TRAF7: variants seen among roughly 807,000 people sequenced by gnomAD.
TRAF7 encodes E3 ubiquitin-protein ligase TRAF7.
Under a neutral mutation model 89.3 loss-of-function variants are expected in TRAF7, and 45 were observed. The observed-to-expected ratio is 0.50, with a 90% CI of 0.40 to 0.65. The LOEUF (loss-of-function observed/expected upper bound fraction) is 0.65, where lower values mean the gene tolerates loss of function less well. Among genes scored for constraint, TRAF7 ranks in the 30% least tolerant of loss-of-function variants. The probability of loss-of-function intolerance (pLI) is 0.00; values close to 1 mark genes in which losing one functional copy is unlikely to be tolerated. For missense variants in TRAF7, 677 were observed against 918.1 expected (o/e 0.74, Z 3.39); for synonymous variants, 406 against 369.2 (o/e 1.10, Z -1.14).
At chr16:2,171,221 G>A (rs2093108376) in intron 5 of TRAF7, 43 bp from the exon 6 acceptor site, 3 of 1,496,870 alleles carry the variant, frequency 2.0e-6, no homozygotes, top group East Asian at 2.5e-5. Context: ...GCGGGGCTGA[G>A]GGTGGCCTCC....
chr16:2,165,943 C>T lies in TRAF7; in HGVS notation c.139+7C>T, dbSNP rs2093085058. ...GTCACCACCATCACAAAAGGTGAGC[C>T]CTTAAGCCAAGGCCAGCCCAGGCTG... On this transcript the variant is annotated splice_region_variant and intron_variant, in intron 3 of 20. Transcript: ENST00000326181. 1 of 1,613,970 alleles carries T rather than the reference C, an allele frequency of 6.2e-7. No homozygotes were observed.
intron 2 of TRAF7, among the ~76,000 whole-genome samples, chr16:2,165,278 T>C (rs1596671741): frequency 7.3e-6 from 1 of 136,082 alleles, no homozygotes; most frequent in Non-Finnish European, 1.6e-5. Flanking sequence ...AGCGTGTTAG[T>C]GCTGCGTGGC....
intron 7 of TRAF7, 124 bp from the exon 8 acceptor site, chr16:2,172,067 C>T (rs1440547241): frequency 2.5e-6 from 3 of 1,176,916 alleles, no homozygotes; most frequent in East Asian, 2.5e-5. Flanking sequence ...TGCCCCCGTT[C>T]CCATGTTGCG....
chr16:2,168,362 G>C lies in TRAF7; in HGVS notation c.231+194G>C. 1 of 554,882 alleles carries C rather than the reference G, an allele frequency of 1.8e-6. No individual in the cohort carries two copies. The highest frequency in any genetic ancestry group is 3.2e-6 in the Non-Finnish European group (1 of 313,020). The allele number at this position is 554,882 out of a possible 1,614,324, so 34.4% of individuals were successfully genotyped here. ...GGAGGCTCCTGTGGCTGGACTGTGG[G>C]TGGCAGGGGGCAGCCAGTGAGGGCA... On this transcript the variant is annotated intron_variant, in intron 4 of 20. Transcript: ENST00000326181. The surrounding 1 kb of genome is among the most constrained non-coding windows in gnomAD (Gnocchi z 4.1).
At chr16:2,171,125 C>T (rs2093107785) in intron 5 of TRAF7, 139 bp from the exon 6 acceptor site, 1 of 696,628 alleles carries the variant, frequency 1.4e-6, no homozygotes, top group African/African-American at 1.8e-5. Flanking sequence ...AGCCCCCCAG[C>T]TCTAAGCAGG....
rs560866404 is a variant in TRAF7 at position 2,169,623 on chromosome 16, C to G, written c.232-991C>G. 4.0e-4 allele frequency among the ~76,000 whole-genome samples: 61 copies of G among 152,294 alleles called. No individual in the cohort carries two copies. The East Asian group carries it at 0.012, about 29-fold the overall frequency. ...GACTCTGGGGTAGTATTGGGCAGGC[C>G]CGGGAGAGTGGTTCCCGTGCCAGCT... On this transcript the variant is annotated intron_variant, in intron 4 of 20. Coordinates refer to ENST00000326181, the MANE Select transcript of TRAF7 (RefSeq NM_032271.3).
intron 3 of TRAF7, among the ~76,000 whole-genome samples, chr16:2,166,347 C>G (rs1484162407): frequency 2.0e-5 from 3 of 152,192 alleles, no homozygotes; most frequent in African/African-American, 7.2e-5. Flanking sequence ...CCTAGGGCTT[C>G]AGTAACAGTG....
rs761833319 is a variant in TRAF7 at position 2,170,616 on chromosome 16, C to G, written c.234C>G (p.Pro78=). The part of the protein sequence containing the change: ...YSPRDEEDSM[P]PISTPRRSDS... ...CAGGCGCCTCTCCCTCCACACAGCC[C>G]CCCATCAGCACTCCCCGCCGCTCCG... Residue 78 remains proline (P), a splice_region_variant and synonymous_variant, in exon 5 of 21, where the codon CCC becomes CCG. Transcript: ENST00000326181. 37 of 1,608,850 alleles carry G rather than the reference C, an allele frequency of 2.3e-5. No individual in the cohort carries two copies. Among genetic ancestry groups the G allele is most frequent in the Non-Finnish European group, 2.9e-5 (34 of 1,178,250 alleles).
Position 2,163,813 on chromosome 16 carries a change from C to T in TRAF7, c.-38-70C>T, listed in dbSNP as rs1010893677. On this transcript the variant is annotated intron_variant, in intron 1 of 20. Transcript: ENST00000326181. This position sits in a 1 kb window ranked among gnomAD's most constrained non-coding sequence, Gnocchi z 4.3. ...GCCCCACAGCAGGTCTGCACACTTG[C>T]AGCAGCCCGTCTGACTCACAGGGGC... 1 of 1,036,262 alleles carries T rather than the reference C, an allele frequency of 9.7e-7. No homozygotes were observed. The highest frequency in any genetic ancestry group is 1.5e-6 in the Non-Finnish European group (1 of 682,468). The allele number at this position is 1,036,262 out of a possible 1,614,324, so 64.2% of individuals were successfully genotyped here. A position where few individuals can be genotyped will look rare whatever the true frequency, so the allele number is the denominator to read the frequency against.
At position 2,161,276 on chromosome 16, in the gene TRAF7, C is replaced by T. The variant is rs1567245655; in HGVS notation, c.-38-2607C>T. Among the ~76,000 whole-genome samples the T allele has an allele frequency of 1.3e-5, 2 of 149,666 alleles. No homozygotes were observed. The highest frequency in any genetic ancestry group is 4.9e-5 in the African/African-American group (2 of 40,774). On this transcript the variant is annotated intron_variant, in intron 1 of 20. Coordinates refer to ENST00000326181, the MANE Select transcript of TRAF7 (RefSeq NM_032271.3). The surrounding 1 kb of genome is among the most constrained non-coding windows in gnomAD (Gnocchi z 5.2). ...CCCTCCTTCCGTCCCCCTCAGCTGG[C>T]GCTCGATGGGGTCTTGCGCACACCC...
chr16:2,156,573 G>T (rs1219970449), intron 1 of TRAF7, among the ~76,000 whole-genome samples: 2 of 152,136 alleles, frequency 1.3e-5, no homozygotes, highest in Non-Finnish European at 2.9e-5. Flanking sequence ...TGTTGGAGAA[G>T]CAGCCAGTCC....
rs2093048688 is a variant in TRAF7, at chr16:2,159,435, G to A, written c.-39+3577G>A. 6.6e-6 allele frequency among the ~76,000 whole-genome samples: 1 copy of A among 152,330 alleles called. No individual in the cohort carries two copies. The highest frequency in any genetic ancestry group is 2.1e-4 in the South Asian group (1 of 4,834). On this transcript the variant is annotated intron_variant, in intron 1 of 20. Transcript: ENST00000326181. The surrounding 1 kb of genome is among the most constrained non-coding windows in gnomAD (Gnocchi z 6.5). The stretch of plus-strand genomic sequence containing the variant: ...TCGACGTCACACCCTGCCTATTTGG[G>A]ATGGAAAAAACGTTCTAAGGGACGT...
intron 13 of TRAF7, 49 bp from the exon 14 acceptor site, chr16:2,174,202 G>A (rs2093125881): frequency 1.2e-6 from 2 of 1,602,062 alleles, no homozygotes; most frequent in Admixed American, 3.4e-5. Flanking sequence ...GCTGCCCCTT[G>A]ACACTGGGCT....
rs749809739 is a variant in TRAF7 at position 2,171,625 on chromosome 16, C to T, written c.475+20C>T. On this transcript the variant is annotated intron_variant, in intron 7 of 20. Coordinates refer to ENST00000326181, the MANE Select transcript of TRAF7 (RefSeq NM_032271.3). ...AGTCAGGTAGGTTTGTGCCCCGGCCCAGGCCTGACGCCGACCGTGCCCATG... is the reference window on the plus strand; with the variant it reads ...AGTCAGGTAGGTTTGTGCCCCGGCCTAGGCCTGACGCCGACCGTGCCCATG... 3.7e-6 allele frequency: 6 copies of T among 1,613,138 alleles called. No individual in the cohort carries two copies. In the South Asian group the frequency reaches 6.6e-5, roughly 18 times the overall value.
Position 2,172,613 on chromosome 16 carries a change from G to C in TRAF7, c.794+14G>C, listed in dbSNP as rs771950181. On this transcript the variant is annotated intron_variant, in intron 9 of 20. Transcript: ENST00000326181. Reference sequence around the variant, plus strand: ...CTCCAAGTACGGGTGAGTGGGGGGCGGGCGGGGGTGGGCCGGGGTGGGCGC... The same window carrying C: ...CTCCAAGTACGGGTGAGTGGGGGGCCGGCGGGGGTGGGCCGGGGTGGGCGC... 25 of 1,533,050 alleles carry C rather than the reference G, an allele frequency of 1.6e-5. No homozygotes were observed. The highest frequency in any genetic ancestry group is 2.8e-5 in the African/African-American group (2 of 72,676). 95.0% of individuals were successfully genotyped at this position (1,533,050 alleles called of 1,614,324 possible). A position where few individuals can be genotyped will look rare whatever the true frequency, so the allele number is the denominator to read the frequency against.
Position 2,158,779 on chromosome 16 carries a change from G to GA in TRAF7, c.-39+2921_-39+2922insA, listed in dbSNP as rs1567244688. Among the ~76,000 whole-genome samples, 4 of 150,942 alleles carry GA rather than the reference G, an allele frequency of 2.7e-5. No individual in the cohort carries two copies. The highest frequency in any genetic ancestry group is 4.4e-5 in the Non-Finnish European group (3 of 67,614). On this transcript the variant is annotated intron_variant, in intron 1 of 20. Transcript: ENST00000326181. This position sits in a 1 kb window ranked among gnomAD's most constrained non-coding sequence, Gnocchi z 4.7. ...AAGCGTGGGCTCGGCGGGGGGGGGG[G>GA]GGACACTGCCACCCTTGGCTCTTGG...
At chr16:2,172,107 GCCC>G in intron 7 of TRAF7, 81 bp from the exon 8 acceptor site, 1 of 1,534,600 alleles carries the variant, frequency 6.5e-7, no homozygotes. Context: ...GACAGATCTG[GCCC>G]CCATTAGAGG....
intron 11 of TRAF7, 86 bp from the exon 12 acceptor site, chr16:2,173,702 G>C: frequency 6.3e-7 from 1 of 1,587,592 alleles, no homozygotes; most frequent in Non-Finnish European, 8.6e-7. Context: ...GCCCACCCCT[G>C]GCCCAGGGCA....
intron 10 of TRAF7, 25 bp downstream of exon 10, chr16:2,173,424 A>C: frequency 6.2e-7 from 1 of 1,612,412 alleles, no homozygotes; most frequent in Non-Finnish European, 8.5e-7. Flanking sequence ...CGGGGCAGGC[A>C]GGGGCCTGGC....
Sources: allele counts gnomAD v4.1 joint callset (sites outside exome capture counted in the v4.1 genomes callset), GRCh38; gene constraint gnomAD v4.1.1; non-coding constraint Gnocchi (gnomAD v3.1); transcripts MANE v1.5; gene names NCBI Gene and HGNC (gene_info 2026-07-23, HGNC 2026-07-21).